The following GINS1 variants were observed in gnomAD, a reference collection of about 807,000 sequenced individuals.
GINS1 encodes DNA replication complex GINS protein PSF1.
GINS1 carries 26 observed loss-of-function variants against 34.9 expected under a neutral mutation model. The observed-to-expected ratio is 0.74, with a 90% CI of 0.55 to 1.03. The LOEUF is 1.03. Ranked by LOEUF, GINS1 falls within the 50% of genes least tolerant of loss-of-function variation. The pLI is 0.00. For synonymous variants in GINS1, 97 were observed against 84.4 expected (o/e 1.15, Z -0.82); for missense variants, 235 against 237.9 (o/e 0.99, Z 0.08).
intron 6 of GINS1, among the ~76,000 whole-genome samples, chr20:25,444,457 G>C (rs1262101494): frequency 6.6e-6 from 1 of 152,102 alleles, no homozygotes; most frequent in Non-Finnish European, 1.5e-5. Flanking sequence ...TTTTGTTTTT[G>C]TTGTGTTTTT....
At chr20:25,439,409 A>G (rs1822949576) in intron 5 of GINS1, among the ~76,000 whole-genome samples, 1 of 152,228 alleles carries the variant, frequency 6.6e-6, no homozygotes, top group East Asian at 1.9e-4. Context: ...GCAGTGACTC[A>G]CGTCTGTAAT....
At chr20:25,420,584 A>C (rs1375914867) in intron 4 of GINS1, among the ~76,000 whole-genome samples, 1 of 152,098 alleles carries the variant, frequency 6.6e-6, no homozygotes, top group African/African-American at 2.4e-5. Context: ...GGAATATACC[A>C]GCCTGGCCAA....
intron 5 of GINS1, among the ~76,000 whole-genome samples, chr20:25,429,040 G>A (rs2090412114): frequency 7.5e-6 from 1 of 133,620 alleles, no homozygotes; most frequent in African/African-American, 2.8e-5. Flanking sequence ...CCAGGCTGGA[G>A]TACAGTGGTG....
chr20:25,426,148 G>A lies in GINS1; in HGVS notation c.447+821G>A, dbSNP rs373443956. On this transcript the variant is annotated intron_variant, in intron 5 of 6. Coordinates refer to ENST00000262460, the MANE Select transcript of GINS1 (RefSeq NM_021067.5). ...TGTCTTTTTGTTTTCTTTTGTTCTC[G>A]TTAGAGAATAATTTCTGAGAAGCTA... Among the ~76,000 whole-genome samples the A allele has an allele frequency of 1.2e-4, 18 of 152,182 alleles. No individual in the cohort carries two copies. The South Asian group carries it at 1.2e-3, about 11-fold the overall frequency.
intron 5 of GINS1, among the ~76,000 whole-genome samples, chr20:25,440,079 T>G (rs2090474357): frequency 6.6e-6 from 1 of 152,008 alleles, no homozygotes; most frequent in Non-Finnish European, 1.5e-5. Context: ...TGTCACCCAG[T>G]CTGGAGTGCA....
At chr20:25,420,968 A>G in intron 4 of GINS1, 1 of 984,560 alleles carries the variant, frequency 1.0e-6, no homozygotes, top group African/African-American at 1.7e-5. Flanking sequence ...ATTTTGGACC[A>G]GTAACAAAGA....
At chr20:25,427,526 C>T (rs559371135) in intron 5 of GINS1, among the ~76,000 whole-genome samples, 4 of 152,240 alleles carry the variant, frequency 2.6e-5, no homozygotes, top group African/African-American at 7.2e-5. Flanking sequence ...GGATGTAAAA[C>T]GTGGTTTTGA....
At chr20:25,429,053 C>CAA (rs1294915463) in intron 5 of GINS1, among the ~76,000 whole-genome samples, 3 of 146,128 alleles carry the variant, frequency 2.1e-5, no homozygotes, top group Non-Finnish European at 4.5e-5. Flanking sequence ...CAGTGGTGCA[C>CAA]TCTTGGCTCA....
chr20:25,440,163 G>A (rs1188709844), intron 5 of GINS1, among the ~76,000 whole-genome samples: 2 of 151,956 alleles, frequency 1.3e-5, no homozygotes, highest in East Asian at 2.0e-4. Context: ...ACCACACCCA[G>A]CTAAATTTTG....
intron 6 of GINS1, among the ~76,000 whole-genome samples, chr20:25,444,735 T>C (rs904292319): frequency 6.6e-6 from 1 of 152,212 alleles, no homozygotes; most frequent in African/African-American, 2.4e-5. Flanking sequence ...AGGAGACATC[T>C]TTCCACCTGC....
intron 6 of GINS1, among the ~76,000 whole-genome samples, chr20:25,444,168 T>A (rs1487723318): frequency 6.6e-6 from 1 of 151,980 alleles, no homozygotes; most frequent in African/African-American, 2.4e-5. Flanking sequence ...TGTGTCACCA[T>A]GCCTGGCTAA....
chr20:25,407,687 C>G lies in GINS1; in HGVS notation c.-134C>G, dbSNP rs1056941369. 4.2e-6 allele frequency: 3 copies of G among 721,764 alleles called. No homozygotes were observed. Among genetic ancestry groups the G allele is most frequent in the South Asian group, 1.7e-5 (1 of 57,676 alleles). The allele number at this position is 721,764 out of a possible 1,614,324, so 44.7% of individuals were successfully genotyped here. A position where few individuals can be genotyped will look rare whatever the true frequency, so the allele number is the denominator to read the frequency against. ...TGGCTAGCTTTGTTCGGCGCCAAAG[C>G]GCGGAGCGGAGGCCGAGGCGAGAGC... On this transcript the variant is annotated 5_prime_UTR_variant, in exon 1 of 7. Coordinates refer to ENST00000262460, the MANE Select transcript of GINS1 (RefSeq NM_021067.5).
rs754286066 is a variant in GINS1 at position 25,417,074 on chromosome 20, A to AT, written c.141-22dup. On this transcript the variant is annotated intron_variant, in intron 2 of 6. Transcript: ENST00000262460. ...ATTTTACTTATCCTGAAAAGTACAT[A>AT]TTTTTTTTCTTTTTAAATGCTCCTA... The AT allele has an allele frequency of 4.6e-4, 456 of 995,388 alleles. 1 individual carries two copies. In the African/African-American group the frequency reaches 5.4e-3, roughly 12 times the overall value. 61.7% of individuals were successfully genotyped at this position (995,388 alleles called of 1,614,324 possible).
intron 5 of GINS1, among the ~76,000 whole-genome samples, chr20:25,429,649 A>G (rs2090416287): frequency 6.6e-6 from 1 of 152,110 alleles, no homozygotes; most frequent in African/African-American, 2.4e-5. Context: ...AATGCAACTG[A>G]TTTTTGTGTG....
At chr20:25,421,405 A>C (rs1170750788) in intron 4 of GINS1, among the ~76,000 whole-genome samples, 1 of 152,232 alleles carries the variant, frequency 6.6e-6, no homozygotes, top group Non-Finnish European at 1.5e-5. Flanking sequence ...TAGAGAAAAC[A>C]CCATTGAAAG....
At chr20:25,424,291 A>C (rs2090377881) in intron 4 of GINS1, among the ~76,000 whole-genome samples, 1 of 152,136 alleles carries the variant, frequency 6.6e-6, no homozygotes, top group East Asian at 1.9e-4. Context: ...CTTCCATGTA[A>C]ATTTTAGACT....
chr20:25,448,205 G>C lies in GINS1; in HGVS notation c.*2214G>C, dbSNP rs2090523414. 6.6e-6 allele frequency: 1 copy of C among 152,148 alleles called. No individual in the cohort carries two copies. Among genetic ancestry groups the C allele is most frequent in the Admixed American group, 6.5e-5 (1 of 15,274 alleles). The allele number at this position is 152,148 out of a possible 1,614,324, so 9.4% of individuals were successfully genotyped here. A position where few individuals can be genotyped will look rare whatever the true frequency, so the allele number is the denominator to read the frequency against. On this transcript the variant is annotated 3_prime_UTR_variant, in exon 7 of 7. Transcript: ENST00000262460. ...AACCCCTGTTGGGCACCTTGATTGA[G>C]ATTGCATTGAATTTATATAAAACTG...
chr20:25,408,855 G>T, intron 1 of GINS1: 1 of 941,054 alleles, frequency 1.1e-6, no homozygotes, highest in Non-Finnish European at 1.3e-6. Flanking sequence ...ACTCTAAATT[G>T]TATATTTCAC....
rs111249326 is a variant in GINS1, at chr20:25,445,726, G to A, written c.523-197G>A. 1.2e-3 allele frequency among the ~76,000 whole-genome samples: 189 copies of A among 152,136 alleles called. 1 individual carries two copies. The highest frequency in any genetic ancestry group is 4.3e-3 in the African/African-American group (177 of 41,526). On this transcript the variant is annotated intron_variant, in intron 6 of 6. Transcript: ENST00000262460. The stretch of plus-strand genomic sequence containing the variant: ...TTGAACCCCCGACCTCAGGTGATCC[G>A]CCTACCTTGGTGTCCTAAAGTGCTG...
Sources: allele counts gnomAD v4.1 joint callset (sites outside exome capture counted in the v4.1 genomes callset), GRCh38; gene constraint gnomAD v4.1.1; transcripts MANE v1.5; gene names NCBI Gene and HGNC (gene_info 2026-07-23, HGNC 2026-07-21).